Variants in SORCS2 observed in about 807,000 individuals in gnomAD.
The protein encoded by SORCS2 is sortilin related VPS10 domain containing receptor 2, also known as VPS10 domain-containing receptor SorCS2.
Under a neutral mutation model 141.6 loss-of-function variants are expected in SORCS2, and 100 were observed. The observed-to-expected ratio is 0.71, with a 90% confidence interval of 0.60 to 0.83. The LOEUF (loss-of-function observed/expected upper bound fraction) is 0.83, where lower values mean the gene tolerates loss of function less well. Ranked by LOEUF, SORCS2 falls within the 40% of genes least tolerant of loss-of-function variation. The probability of loss-of-function intolerance (pLI) is 0.00; values close to 1 mark genes in which losing one functional copy is unlikely to be tolerated. For synonymous variants in SORCS2, 789 were observed against 676.9 expected (o/e 1.17, Z -2.57); for missense variants, 1,646 against 1,560.2 (o/e 1.05, Z -0.93).
intron 4 of SORCS2, among the ~76,000 whole-genome samples, chr4:7,645,340 A>C (rs1328020309): frequency 1.1e-4 from 17 of 152,184 alleles, no homozygotes; most frequent in Admixed American, 9.2e-4. Context: ...GTGAGATGGG[A>C]ATTGCTGACA....
At chr4:7,297,226 C>T (rs530886181) in intron 1 of SORCS2, among the ~76,000 whole-genome samples, 10 of 152,272 alleles carry the variant, frequency 6.6e-5, no homozygotes, top group African/African-American at 1.7e-4. Flanking sequence ...TGAGTCACCC[C>T]GGCACTCCCA....
At chr4:7,635,808 C>G (rs1461019220) in intron 3 of SORCS2, among the ~76,000 whole-genome samples, 1 of 152,182 alleles carries the variant, frequency 6.6e-6, no homozygotes, top group Non-Finnish European at 1.5e-5. Context: ...CAAGGAATCG[C>G]TCTCCACGGA....
chr4:7,534,605 G>T (rs988301877), intron 3 of SORCS2, among the ~76,000 whole-genome samples: 1 of 152,252 alleles, frequency 6.6e-6, no homozygotes, highest in Admixed American at 6.5e-5. Flanking sequence ...TGTCATCACA[G>T]GGTCCTTGTG....
At chr4:7,531,437 C>A in intron 2 of SORCS2, 93 bp from the exon 3 acceptor site, 1 of 1,227,472 alleles carries the variant, frequency 8.1e-7, no homozygotes, top group Non-Finnish European at 1.2e-6. Flanking sequence ...ACTCGGCCCG[C>A]ACGGGCACAG....
intron 9 of SORCS2, among the ~76,000 whole-genome samples, chr4:7,679,866 G>T (rs1053293426): frequency 2.0e-5 from 3 of 151,926 alleles, no homozygotes; most frequent in African/African-American, 7.3e-5. Flanking sequence ...AGACCCACCC[G>T]GGGGCCTTGG....
At chr4:7,547,251 CCA>C (rs1438465716) in intron 3 of SORCS2, among the ~76,000 whole-genome samples, 2 of 152,184 alleles carry the variant, frequency 1.3e-5, no homozygotes, top group Non-Finnish European at 2.9e-5. Flanking sequence ...TGCTGCCAGC[CCA>C]CACTACCTTC....
chr4:7,432,130 A>C (rs59286727), intron 2 of SORCS2: 22,943 of 151,346 alleles, frequency 0.15, 1,784 homozygotes, highest in Non-Finnish European at 0.19. Context: ...CCAGATGGAA[A>C]CCCCCCCCGG....
intron 2 of SORCS2, among the ~76,000 whole-genome samples, chr4:7,447,655 G>A (rs968788409): frequency 6.6e-6 from 1 of 152,176 alleles, no homozygotes; most frequent in Non-Finnish European, 1.5e-5. Context: ...AAACTTGGCT[G>A]CCAGAGCACG....
Position 7,576,084 on chromosome 4 carries a change from C to T in SORCS2, c.648+44455C>T, listed in dbSNP as rs78989803. Among the ~76,000 whole-genome samples, 1,259 of 152,230 alleles carry T rather than the reference C, an allele frequency of 8.3e-3. 19 individuals are homozygous for T. The highest frequency in any genetic ancestry group is 0.028 in the African/African-American group (1,175 of 41,524). ...TGGTGCACAGCTGTGTGTGTGAGGA[C>T]GAGGAAGAGCTCCAATGGCAGAGTG... On this transcript the variant is annotated intron_variant, in intron 3 of 26. Coordinates refer to ENST00000507866, the MANE Select transcript of SORCS2 (RefSeq NM_020777.3).
chr4:7,385,627 T>C (rs1307224702), intron 1 of SORCS2, among the ~76,000 whole-genome samples: 1 of 152,162 alleles, frequency 6.6e-6, no homozygotes, highest in African/African-American at 2.4e-5. Context: ...TGCCCCACAT[T>C]GGGAAGCAAA....
chr4:7,706,485 A>AGATGAGGCTGGGCTCCGCCTGGGCAAG (rs1725470049), intron 14 of SORCS2, among the ~76,000 whole-genome samples: 2 of 30,576 alleles, frequency 6.5e-5, no homozygotes, highest in Admixed American at 7.6e-4. Flanking sequence ...GCCTGGACAG[A>AGATGAGGCTGGGCTCCGCCTGGGCAAG]GATGAGGCTG....
chr4:7,201,188 A>T lies in SORCS2; in HGVS notation c.480+8062A>T, dbSNP rs538671870. On this transcript the variant is annotated intron_variant, in intron 1 of 26. Coordinates refer to ENST00000507866, the MANE Select transcript of SORCS2 (RefSeq NM_020777.3). This position sits in a 1 kb window ranked among gnomAD's most constrained non-coding sequence, Gnocchi z 4.4. The stretch of plus-strand genomic sequence containing the variant: ...TGAGTAGAGTCCCGGGCTGAGGAGG[A>T]GGTTGGAATGGTGAGAATATTAAGG... 6.6e-6 allele frequency among the ~76,000 whole-genome samples: 1 copy of T among 151,936 alleles called. No homozygotes were observed. The highest frequency in any genetic ancestry group is 1.5e-5 in the Non-Finnish European group (1 of 67,976).
intron 11 of SORCS2, among the ~76,000 whole-genome samples, chr4:7,695,605 T>G (rs1724598120): frequency 1.4e-5 from 1 of 70,830 alleles, no homozygotes; most frequent in Non-Finnish European, 2.7e-5. Context: ...GGTGGGTGGA[T>G]GGATGGATGG....
intron 2 of SORCS2, chr4:7,433,953 C>T: frequency 6.2e-7 from 1 of 1,613,872 alleles, no homozygotes; most frequent in African/African-American, 1.3e-5. Flanking sequence ...AGCTGTTGGA[C>T]ATGAGCCAGT....
intron 19 of SORCS2, 113 bp downstream of exon 19, chr4:7,723,996 G>A (rs1726786808): frequency 7.8e-7 from 1 of 1,289,994 alleles, no homozygotes; most frequent in Non-Finnish European, 1.0e-6. Flanking sequence ...TGGTACTCAG[G>A]ACGGTGAACC....
intron 1 of SORCS2, among the ~76,000 whole-genome samples, chr4:7,218,148 G>A (rs1467751874): frequency 6.6e-6 from 1 of 152,176 alleles, no homozygotes; most frequent in Non-Finnish European, 1.5e-5. Context: ...GTTTCCGAGT[G>A]GGCGGACTTG....
intron 1 of SORCS2, among the ~76,000 whole-genome samples, chr4:7,253,728 G>C (rs796390070): frequency 1.3e-5 from 2 of 152,352 alleles, no homozygotes; most frequent in African/African-American, 4.8e-5. Context: ...CAGGGAGGAT[G>C]TGCTGGCAAG....
intron 2 of SORCS2, among the ~76,000 whole-genome samples, chr4:7,494,052 C>T (rs1213353817): frequency 6.6e-6 from 1 of 151,876 alleles, no homozygotes; most frequent in Non-Finnish European, 1.5e-5. Flanking sequence ...CACATACACT[C>T]ACATGCTCAC....
chr4:7,636,994 C>T (rs1456576314), intron 3 of SORCS2, among the ~76,000 whole-genome samples: 1 of 152,050 alleles, frequency 6.6e-6, no homozygotes. Flanking sequence ...CAGATGTGTC[C>T]CCTGTCTCTG....
Sources: allele counts gnomAD v4.1 joint callset (sites outside exome capture counted in the v4.1 genomes callset), GRCh38; gene constraint gnomAD v4.1.1; non-coding constraint Gnocchi (gnomAD v3.1); transcripts MANE v1.5; gene names NCBI Gene and HGNC (gene_info 2026-07-23, HGNC 2026-07-21).